Variants in GAS7 observed in about 807,000 individuals in gnomAD.
The protein encoded by GAS7 is growth arrest-specific protein 7.
A neutral mutation model predicts 71.1 loss-of-function variants in GAS7; 28 were observed. The observed-to-expected ratio is 0.39, with a 90% CI of 0.29 to 0.54. The LOEUF (loss-of-function observed/expected upper bound fraction) is 0.54, where lower values mean the gene tolerates loss of function less well. Among genes scored for constraint, GAS7 ranks in the 20% least tolerant of loss-of-function variants. The probability of loss-of-function intolerance (pLI) is 0.62; values close to 1 mark genes in which losing one functional copy is unlikely to be tolerated. For synonymous variants in GAS7, 258 were observed against 245.8 expected (o/e 1.05, Z -0.46); for missense variants, 436 against 627.8 (o/e 0.69, Z 3.27).
At chr17:10,029,109 T>C (rs2072544945) in intron 1 of GAS7, among the ~76,000 whole-genome samples, 1 of 152,170 alleles carries the variant, frequency 6.6e-6, no homozygotes. Flanking sequence ...ACAGCAAAGA[T>C]AAGGATAAAA....
chr17:10,148,210 G>A (rs967406857), intron 1 of GAS7, among the ~76,000 whole-genome samples: 2 of 152,162 alleles, frequency 1.3e-5, no homozygotes, highest in African/African-American at 4.8e-5. Context: ...TTCTGGTGTT[G>A]GAGGTTATTT....
chr17:9,932,252 TG>T (rs1453481880), intron 9 of GAS7, among the ~76,000 whole-genome samples: 1 of 144,632 alleles, frequency 6.9e-6, no homozygotes, highest in African/African-American at 2.6e-5. Context: ...TGGAGTGCAG[TG>T]GCGTGAACTC....
intron 2 of GAS7, among the ~76,000 whole-genome samples, chr17:9,982,861 GAA>G (rs1555611386): frequency 6.9e-6 from 1 of 143,984 alleles, no homozygotes; most frequent in Non-Finnish European, 1.5e-5. Flanking sequence ...AAGAAAGAAA[GAA>G]AGAAAGCAAA....
In GAS7 at chr17:10,007,390, T is replaced by TA. The variant is rs1459776984; in HGVS notation, c.304+12386_304+12387insT. ...CTGTATTCCCAGCACTTTGAGAGGG[T>TA]GAGGCTGGTGGATCACCTGAGGTCA... is the stretch of plus-strand genomic sequence containing the variant. On this transcript the variant is annotated intron_variant, in intron 2 of 13. Transcript: ENST00000432992. Among the ~76,000 whole-genome samples, 4 of 151,950 alleles carry TA rather than the reference T, an allele frequency of 2.6e-5. No individual in the cohort carries two copies. In the East Asian group the frequency reaches 7.8e-4, roughly 30 times the overall value.
chr17:10,021,249 C>T (rs1213677740), intron 1 of GAS7, among the ~76,000 whole-genome samples: 5 of 152,284 alleles, frequency 3.3e-5, no homozygotes, highest in Admixed American at 2.6e-4. Flanking sequence ...TCCTCAGTAT[C>T]CCCCAGCTGT....
intron 1 of GAS7, among the ~76,000 whole-genome samples, chr17:10,134,836 C>CTTTT (rs34031588): frequency 6.9e-6 from 1 of 144,896 alleles, no homozygotes; most frequent in African/African-American, 2.5e-5. Context: ...TTTACATCCA[C>CTTTT]TTTTTTTTTT....
intron 3 of GAS7, among the ~76,000 whole-genome samples, chr17:9,970,930 T>C (rs2069935641): frequency 6.6e-6 from 1 of 152,196 alleles, no homozygotes; most frequent in Non-Finnish European, 1.5e-5. Context: ...CTTGTAGAAA[T>C]ATAACTACAT....
chr17:10,084,776 A>G (rs1244325812), intron 1 of GAS7, among the ~76,000 whole-genome samples: 2 of 151,994 alleles, frequency 1.3e-5, no homozygotes, highest in Non-Finnish European at 2.9e-5. Flanking sequence ...CCCTTTCCCT[A>G]TATCTTAATA....
intron 1 of GAS7, among the ~76,000 whole-genome samples, chr17:10,094,644 AT>A (rs1168743477): frequency 6.6e-6 from 1 of 151,690 alleles, no homozygotes; most frequent in African/African-American, 2.4e-5. Flanking sequence ...AATTTTTTGT[AT>A]TTTTAGTAGA....
At chr17:9,956,765 G>T (rs889055477) in intron 5 of GAS7, among the ~76,000 whole-genome samples, 1 of 152,168 alleles carries the variant, frequency 6.6e-6, no homozygotes, top group Non-Finnish European at 1.5e-5. Flanking sequence ...GGAAATTTCT[G>T]CTCTGCGGGA....
At chr17:10,152,392 G>A (rs573044433) in intron 1 of GAS7, among the ~76,000 whole-genome samples, 12 of 152,206 alleles carry the variant, frequency 7.9e-5, no homozygotes, top group Non-Finnish European at 1.6e-4. Flanking sequence ...GAACACAGAA[G>A]GATTCATCAC....
chr17:10,105,892 G>A (rs1191699896), intron 1 of GAS7, among the ~76,000 whole-genome samples: 1 of 152,114 alleles, frequency 6.6e-6, no homozygotes, highest in African/African-American at 2.4e-5. Flanking sequence ...TCTGCCCGAT[G>A]ACTCTGCTCA....
intron 1 of GAS7, among the ~76,000 whole-genome samples, chr17:10,023,584 ACACAAAAGAC>A (rs1332567889): frequency 1.3e-5 from 2 of 152,254 alleles, no homozygotes; most frequent in Admixed American, 1.3e-4. Flanking sequence ...AAGGAGCCAG[ACACAAAAGAC>A]CACATATTGT....
At chr17:10,036,816 T>G (rs1236230772) in intron 1 of GAS7, 2 of 931,904 alleles carry the variant, frequency 2.1e-6, no homozygotes, top group Non-Finnish European at 2.7e-6. Context: ...TTGGCTGAGG[T>G]CACAACAAAC....
chr17:9,928,576 TC>T (rs1246557135), intron 9 of GAS7, among the ~76,000 whole-genome samples: 58 of 152,158 alleles, frequency 3.8e-4, no homozygotes, highest in African/African-American at 1.4e-3. Flanking sequence ...CCTCCACCGG[TC>T]TTAGAGGTGT....
intron 1 of GAS7, among the ~76,000 whole-genome samples, chr17:10,159,772 A>C (rs540868651): frequency 1.4e-4 from 20 of 146,734 alleles, no homozygotes; most frequent in East Asian, 6.1e-4. Flanking sequence ...CAAACTATAC[A>C]CATGAAGTGT....
At chr17:9,956,156 C>T (rs1037278268) in intron 5 of GAS7, among the ~76,000 whole-genome samples, 6 of 152,220 alleles carry the variant, frequency 3.9e-5, no homozygotes, top group Non-Finnish European at 8.8e-5. Flanking sequence ...GAACAGAGGC[C>T]ACAGGCTTCT....
intron 6 of GAS7, among the ~76,000 whole-genome samples, chr17:9,943,758 G>C (rs1432311716): frequency 4.6e-5 from 7 of 151,698 alleles, no homozygotes; most frequent in Non-Finnish European, 7.4e-5. Context: ...AAATCATAGA[G>C]AGAAAGTGGG....
At chr17:10,004,993 G>A (rs2071413436) in intron 2 of GAS7, among the ~76,000 whole-genome samples, 1 of 151,700 alleles carries the variant, frequency 6.6e-6, no homozygotes, top group Non-Finnish European at 1.5e-5. Context: ...CTCGGCGACA[G>A]AGCAGGACTT....
Sources: gnomAD v4.1 joint callset for allele counts (sites outside exome capture counted in the v4.1 genomes callset) on GRCh38, gnomAD v4.1.1 for gene constraint, MANE v1.5 for transcripts, NCBI Gene and HGNC (gene_info 2026-07-23, HGNC 2026-07-21) for gene names.